The following TENM1 variants were observed in gnomAD, a reference collection of about 807,000 sequenced individuals.
TENM1 encodes teneurin-1.
A neutral mutation model predicts 174.8 loss-of-function variants in TENM1; 35 were observed. The ratio of observed to expected loss-of-function variants is 0.20; its 90% CI spans 0.15 to 0.27. The LOEUF is 0.27. TENM1 is among the 10% of genes least tolerant of loss of function. The pLI is 1.00. For synonymous variants in TENM1, 781 were observed against 798.7 expected (o/e 0.98, Z 0.37); for missense variants, 1,633 against 2,130.1 (o/e 0.77, Z 4.59).
chrX:124,832,352 T>C (rs1012605833), intron 3 of TENM1, among the ~76,000 whole-genome samples: 3 of 111,920 alleles, frequency 2.7e-5, no homozygotes, highest in African/African-American at 6.5e-5. Context: ...ATGTTCAATA[T>C]AGTGTCAGTT....
rs140984539 is a variant in TENM1, at chrX:124,406,379, C to T, written c.5093G>A (p.Arg1698His). 988 of 1,207,172 alleles carry T rather than the reference C, an allele frequency of 8.2e-4. 5 individuals carry two copies. Among genetic ancestry groups the T allele is most frequent in the East Asian group, 2.1e-3 (70 of 33,707 alleles). Residue 1698 changes from arginine to histidine, a missense_variant, in exon 26 of 32, where the codon CGT becomes CAT. Coordinates refer to ENST00000422452, the Ensembl canonical transcript of TENM1. ...GTTGGTTGACATGAGGACATTTTCACGGTTGGAAGTATCTAGCTCCACTTT... is the reference window on the plus strand; with the variant it reads ...GTTGGTTGACATGAGGACATTTTCATGGTTGGAAGTATCTAGCTCCACTTT...
intron 1 of TENM1, among the ~76,000 whole-genome samples, chrX:124,905,702 A>C (rs1184499049): frequency 9.0e-6 from 1 of 111,518 alleles, no homozygotes; most frequent in Non-Finnish European, 1.9e-5. Flanking sequence ...TAGTGCGGGA[A>C]GGCCAAGATA....
chrX:125,090,638 G>C, the TENM1 span, among the ~76,000 whole-genome samples: 1 of 111,549 alleles, frequency 9.0e-6, no homozygotes, highest in Non-Finnish European at 1.9e-5. Context: ...CTGGGTGACA[G>C]AGCAAGACTC....
intron 11 of TENM1, among the ~76,000 whole-genome samples, chrX:124,600,608 A>C (rs2050006419): frequency 9.0e-6 from 1 of 111,517 alleles, no homozygotes; most frequent in African/African-American, 3.3e-5. Flanking sequence ...CAAATAAATA[A>C]TGGGTACCAC....
intron 21 of TENM1, among the ~76,000 whole-genome samples, chrX:124,483,269 T>C (rs960886404): frequency 8.9e-6 from 1 of 111,991 alleles, no homozygotes. Flanking sequence ...GTCTGGGTTA[T>C]TTGCATTATC....
intron 3 of TENM1, among the ~76,000 whole-genome samples, chrX:124,802,535 G>A (rs1257359870): frequency 9.0e-6 from 1 of 110,897 alleles, no homozygotes; most frequent in African/African-American, 3.3e-5. Context: ...CCTTGGCTGG[G>A]GGGCTGGGGG....
At chrX:124,716,935 CT>C (rs753637867) in intron 4 of TENM1, among the ~76,000 whole-genome samples, 7 of 109,437 alleles carry the variant, frequency 6.4e-5, no homozygotes, top group African/African-American at 2.3e-4. Flanking sequence ...TTAAAGGCAC[CT>C]TTTTTTTTGC....
chrX:125,030,729 TTTAA>T, the TENM1 span, among the ~76,000 whole-genome samples: 23 of 112,195 alleles, frequency 2.0e-4, 1 homozygote, highest in Admixed American at 8.5e-4. Context: ...GTTAAAATAG[TTTAA>T]TTAATGCAAC....
the TENM1 span, among the ~76,000 whole-genome samples, chrX:125,145,153 C>T: frequency 4.5e-5 from 5 of 111,734 alleles, no homozygotes; most frequent in South Asian, 7.5e-4. Context: ...ATTTAATCCC[C>T]ATCTCCCACA....
At chrX:124,399,065 T>G (rs1330020222) in intron 27 of TENM1, among the ~76,000 whole-genome samples, 2 of 112,027 alleles carry the variant, frequency 1.8e-5, no homozygotes, top group Non-Finnish European at 3.8e-5. Flanking sequence ...TAATATAATG[T>G]TTTTTACTCC....
chrX:124,805,651 T>C (rs2055575630), intron 3 of TENM1, among the ~76,000 whole-genome samples: 1 of 112,039 alleles, frequency 8.9e-6, no homozygotes, highest in Non-Finnish European at 1.9e-5. Flanking sequence ...TCAGCAACCA[T>C]GGGGCTTCTG....
At chrX:124,448,199 G>C (rs1430097227) in intron 23 of TENM1, among the ~76,000 whole-genome samples, 6 of 112,004 alleles carry the variant, frequency 5.4e-5, no homozygotes, top group Non-Finnish European at 1.1e-4. Flanking sequence ...CATTAAAATT[G>C]CTTGCCTATG....
At chrX:124,587,620 T>C (rs1420114271) in intron 11 of TENM1, among the ~76,000 whole-genome samples, 2 of 111,071 alleles carry the variant, frequency 1.8e-5, no homozygotes, top group South Asian at 3.8e-4. Context: ...ATTCAGGACA[T>C]AGGCATGGGC....
intron 11 of TENM1, among the ~76,000 whole-genome samples, chrX:124,584,227 T>C (rs776990778): frequency 8.3e-4 from 91 of 109,046 alleles, no homozygotes; most frequent in Admixed American, 1.9e-3. Flanking sequence ...CCAAGACACA[T>C]AATTGTCAGA....
intron 19 of TENM1, among the ~76,000 whole-genome samples, chrX:124,498,728 T>C (rs1356931295): frequency 9.1e-6 from 1 of 109,592 alleles, no homozygotes; most frequent in East Asian, 2.9e-4. Flanking sequence ...TGTGTGCCCA[T>C]AGTTTGTTTT....
At chrX:125,155,609 C>G in the TENM1 span, among the ~76,000 whole-genome samples, 1 of 112,302 alleles carries the variant, frequency 8.9e-6, no homozygotes, top group South Asian at 3.7e-4. Context: ...CTGCAGGTCC[C>G]GAGCCCTGCC....
At chrX:125,103,505 T>G in the TENM1 span, among the ~76,000 whole-genome samples, 1 of 111,448 alleles carries the variant, frequency 9.0e-6, no homozygotes, top group Non-Finnish European at 1.9e-5. Flanking sequence ...TTTATTAAAA[T>G]TTTTAGATAT....
At chrX:125,151,828 C>G in the TENM1 span, among the ~76,000 whole-genome samples, 34 of 111,714 alleles carry the variant, frequency 3.0e-4, no homozygotes, top group South Asian at 2.2e-3. Context: ...ATGCACAGGA[C>G]AGACCCTCAC....
At chrX:124,876,081 A>G (rs950058011) in intron 3 of TENM1, among the ~76,000 whole-genome samples, 1 of 110,224 alleles carries the variant, frequency 9.1e-6, no homozygotes, top group Non-Finnish European at 1.9e-5. Flanking sequence ...TGACTTTACC[A>G]CTTACCAGCC....
Sources: gnomAD v4.1 joint callset for allele counts (sites outside exome capture counted in the v4.1 genomes callset) on GRCh38, gnomAD v4.1.1 for gene constraint, MANE v1.5 for transcripts, NCBI Gene and HGNC (gene_info 2026-07-23, HGNC 2026-07-21) for gene names.